GANAB: variants seen among roughly 807,000 people sequenced by gnomAD.
The protein encoded by GANAB is glucosidase II alpha subunit.
Under a neutral mutation model 129.9 loss-of-function variants are expected in GANAB, and 35 were observed. The observed-to-expected ratio is 0.27, with a 90% confidence interval of 0.21 to 0.36. GANAB has a LOEUF of 0.36. GANAB is among the 10% of genes least tolerant of loss of function. The probability of loss-of-function intolerance (pLI) is 1.00; values close to 1 mark genes in which losing one functional copy is unlikely to be tolerated. For synonymous variants in GANAB, 482 were observed against 451.8 expected, an observed-to-expected ratio of 1.07 and a Z score of -0.85; for missense variants, 939 against 1,221.0, an observed-to-expected ratio of 0.77 and a Z score of 3.44.
At chr11:62,632,853 CT>C in intron 8 of GANAB, 108 bp from the exon 9 acceptor site, 1 of 1,069,666 alleles carries the variant, frequency 9.3e-7, no homozygotes, top group Admixed American at 1.9e-5. Context: ...TCCTCTTGTC[CT>C]TTCTCAAAAA....
Position 62,640,720 on chromosome 11 carries a change from C to T in GANAB, c.39-989G>A, listed in dbSNP as rs151144620. Among the ~76,000 whole-genome samples, 546 of 149,618 alleles carry T rather than the reference C, an allele frequency of 3.6e-3. 19 individuals are homozygous for T. The East Asian group carries it at 0.08, about 22-fold the overall frequency. On this transcript the variant is annotated intron_variant, in intron 1 of 23. Coordinates refer to ENST00000356638, the MANE Select transcript of GANAB (RefSeq NM_198334.3). ...TGGTGGTGGGCAGCTGTAGTCCCAG[C>T]TACTCGGGAGGCTGAGGCAGGAGAA...
At chr11:62,627,193 G>T in intron 18 of GANAB, 69 bp from the exon 19 acceptor site, 2 of 1,455,096 alleles carry the variant, frequency 1.4e-6, no homozygotes, top group Admixed American at 1.7e-5. Flanking sequence ...CAAAGTGCCT[G>T]CCCTCTGCAC....
intron 22 of GANAB, 48 bp downstream of exon 22, chr11:62,626,287 G>A: frequency 7.2e-7 from 1 of 1,397,836 alleles, no homozygotes; most frequent in South Asian, 1.2e-5. Context: ...CCCCCACAAG[G>A]ATCAGGCCCC....
intron 1 of GANAB, among the ~76,000 whole-genome samples, chr11:62,641,215 G>A (rs1272439027): frequency 2.0e-5 from 3 of 151,760 alleles, no homozygotes; most frequent in East Asian, 3.9e-4. Context: ...ATGGCGTTGA[G>A]CATCTGTAGT....
chr11:62,628,419 G>A (rs1190536116), intron 17 of GANAB, among the ~76,000 whole-genome samples: 3 of 151,670 alleles, frequency 2.0e-5, no homozygotes, highest in Non-Finnish European at 4.4e-5. Context: ...TGCCATGTTG[G>A]CCAGGCTGGT....
intron 5 of GANAB, chr11:62,634,256 G>A (rs1367023151): frequency 2.5e-6 from 3 of 1,220,368 alleles, no homozygotes; most frequent in Non-Finnish European, 3.7e-6. Context: ...AGGCTAGAGT[G>A]AGGAATGGGT....
At position 62,630,856 on chromosome 11, in the gene GANAB, G is replaced by A; in HGVS notation, c.1151-20C>T. ...GGGTTCCTGCAGGTTCATGAGGGAT[G>A]GGGGTCACAACGAGGATCAGGCCCA... On this transcript the variant is annotated intron_variant, in intron 10 of 23. Coordinates refer to ENST00000356638, the MANE Select transcript of GANAB (RefSeq NM_198334.3). 1 of 1,587,512 alleles carries A rather than the reference G, an allele frequency of 6.3e-7. No homozygotes were observed. The highest frequency in any genetic ancestry group is 1.7e-5 in the Admixed American group (1 of 59,638).
chr11:62,639,550 C>A, intron 2 of GANAB, 77 bp downstream of exon 2: 1 of 1,424,746 alleles, frequency 7.0e-7, no homozygotes, highest in Non-Finnish European at 9.9e-7. Flanking sequence ...TGTCCTTAGG[C>A]ACTCCATCTG....
chr11:62,640,879 C>G (rs1944222795), intron 1 of GANAB, among the ~76,000 whole-genome samples: 1 of 148,576 alleles, frequency 6.7e-6, no homozygotes, highest in Admixed American at 6.7e-5. Context: ...GGATCTTTCA[C>G]CTTCAGAGGC....
At position 62,630,610 on chromosome 11, in the gene GANAB, C is replaced by T. The variant is rs1456381147; in HGVS notation, c.1377G>A (p.Lys459=). The change falls in exon 11 of 24, where the codon AAG becomes AAA. Residue 459 remains lysine (K), a synonymous_variant. Transcript: ENST00000356638. ...PRTMLERLAS[K]RRKLVAIVDP... The stretch of plus-strand genomic sequence containing the variant: ...GACTGCAACCCCTTACCTTCCGCCT[C>T]TTAGAAGCCAAGCGCTCAAGCATGG... 1.2e-6 allele frequency: 2 copies of T among 1,612,022 alleles called. No homozygotes were observed. Among genetic ancestry groups the T allele is most frequent in the Admixed American group, 3.3e-5 (2 of 59,984 alleles).
At chr11:62,629,445 C>G in intron 15 of GANAB, 143 bp downstream of exon 15, 1 of 790,806 alleles carries the variant, frequency 1.3e-6, no homozygotes, top group Admixed American at 2.2e-5. Context: ...CCTCCCACAC[C>G]CTGACTTCCT....
chr11:62,629,412 A>T (rs1313433131), intron 15 of GANAB, 117 bp from the exon 16 acceptor site: 1 of 856,498 alleles, frequency 1.2e-6, no homozygotes, highest in Non-Finnish European at 2.0e-6. Context: ...GCAGTTCACA[A>T]GAACATTTGA....
At chr11:62,646,441 A>G in intron 1 of GANAB, 121 bp downstream of exon 1, 1 of 1,154,044 alleles carries the variant, frequency 8.7e-7, no homozygotes, top group Non-Finnish European at 1.3e-6. Context: ...CTCCAGAGGA[A>G]CAAAGGTTCC....
chr11:62,641,630 G>C (rs1056962940), intron 1 of GANAB, among the ~76,000 whole-genome samples: 11 of 152,210 alleles, frequency 7.2e-5, no homozygotes, highest in Non-Finnish European at 1.3e-4. Context: ...ACCCTGGCTA[G>C]AGTGCCATGG....
Position 62,625,322 on chromosome 11 carries a change from G to C in GANAB, c.*493C>G. 1 of 454,526 alleles carries C rather than the reference G, an allele frequency of 2.2e-6. No homozygotes were observed. Among genetic ancestry groups the C allele is most frequent in the Non-Finnish European group, 4.4e-6 (1 of 226,358 alleles). 28.2% of individuals were successfully genotyped at this position (454,526 alleles called of 1,614,324 possible). On this transcript the variant is annotated 3_prime_UTR_variant, in exon 24 of 24. Coordinates refer to ENST00000356638, the MANE Select transcript of GANAB (RefSeq NM_198334.3). The stretch of plus-strand genomic sequence containing the variant: ...TAAGGGGTGGTCCCAGTGTATCGGT[G>C]GGGCATAAAAAGGGGAGTAAAGCCT...
chr11:62,643,797 C>G (rs1944364205), intron 1 of GANAB, among the ~76,000 whole-genome samples: 1 of 152,082 alleles, frequency 6.6e-6, no homozygotes, highest in Admixed American at 6.5e-5. Context: ...GCCTGGGTGA[C>G]AAAGTGTGAC....
chr11:62,633,104 G>C lies in GANAB; in HGVS notation c.719-3C>G. On this transcript the variant is annotated splice_region_variant and splice_polypyrimidine_tract_variant and intron_variant, in intron 7 of 23. Coordinates refer to ENST00000356638, the MANE Select transcript of GANAB (RefSeq NM_198334.3). Reference sequence around the variant, plus strand: ...GTCCAAACCCACAGACATGGGGCCTGGAAGAAAAACAAACAAGCTTCAGAG... The same window carrying C: ...GTCCAAACCCACAGACATGGGGCCTCGAAGAAAAACAAACAAGCTTCAGAG... 6.2e-7 allele frequency: 1 copy of C among 1,609,940 alleles called. No individual in the cohort carries two copies. The highest frequency in any genetic ancestry group is 8.5e-7 in the Non-Finnish European group (1 of 1,176,286).
At chr11:62,644,293 T>A (rs1944385868) in intron 1 of GANAB, among the ~76,000 whole-genome samples, 1 of 152,050 alleles carries the variant, frequency 6.6e-6, no homozygotes, top group Admixed American at 6.6e-5. Context: ...ATGGGCAGAA[T>A]ACGAGCATAC....
intron 4 of GANAB, 37 bp from the exon 5 acceptor site, chr11:62,635,037 A>C: frequency 6.7e-7 from 1 of 1,498,220 alleles, no homozygotes; most frequent in Non-Finnish European, 9.3e-7. Flanking sequence ...AGGAAGTACA[A>C]AGGGCCAAGA....
Sources: gnomAD v4.1 joint callset for allele counts (sites outside exome capture counted in the v4.1 genomes callset) on GRCh38, gnomAD v4.1.1 for gene constraint, MANE v1.5 for transcripts, NCBI Gene and HGNC (gene_info 2026-07-23, HGNC 2026-07-21) for gene names.